The following KCTD16 variants were observed in gnomAD, a reference collection of about 807,000 sequenced individuals.
KCTD16 encodes BTB/POZ domain-containing protein KCTD16.
In KCTD16, 13 loss-of-function variants were observed where a neutral mutation model predicts 33.2. The observed-to-expected ratio is 0.39, with a 90% CI of 0.25 to 0.62. The LOEUF (loss-of-function observed/expected upper bound fraction) is 0.62. Among genes scored for constraint, KCTD16 ranks in the 20% least tolerant of loss-of-function variants. KCTD16 has a pLI of 0.50. For missense variants in KCTD16, 441 were observed against 525.1 expected, an observed-to-expected ratio of 0.84 and a Z score of 1.57; for synonymous variants, 197 against 195.3, an observed-to-expected ratio of 1.01 and a Z score of -0.07.
chr5:144,257,520 G>C (rs1043046800), intron 3 of KCTD16, among the ~76,000 whole-genome samples: 1 of 151,460 alleles, frequency 6.6e-6, no homozygotes. Context: ...ACAGAGTCTC[G>C]CTCTGTCGCC....
intron 3 of KCTD16, among the ~76,000 whole-genome samples, chr5:144,387,357 G>A (rs1284715699): frequency 6.6e-6 from 1 of 152,036 alleles, no homozygotes; most frequent in Non-Finnish European, 1.5e-5. Context: ...CCATTTTATA[G>A]ATGAAGGAGC....
chr5:144,304,270 A>C (rs557846708), intron 3 of KCTD16, among the ~76,000 whole-genome samples: 3 of 152,336 alleles, frequency 2.0e-5, no homozygotes, highest in Admixed American at 2.0e-4. Context: ...GGGAAAGGAA[A>C]GGACAGTGTG....
At chr5:144,335,839 G>A (rs953831845) in intron 3 of KCTD16, among the ~76,000 whole-genome samples, 2 of 152,186 alleles carry the variant, frequency 1.3e-5, no homozygotes, top group Non-Finnish European at 2.9e-5. Context: ...ATCAGGAGGT[G>A]ATTAGGGGCC....
intron 3 of KCTD16, among the ~76,000 whole-genome samples, chr5:144,455,706 T>G (rs996775341): frequency 1.3e-5 from 2 of 152,184 alleles, no homozygotes; most frequent in African/African-American, 4.8e-5. Context: ...GAGGAATGTT[T>G]CCAGGCAAGA....
In KCTD16 at chr5:144,477,989, G is replaced by A. The variant is rs1754630651; in HGVS notation, c.*3875G>A. The A allele has an allele frequency of 6.6e-6, 1 of 152,002 alleles. No homozygotes were observed. 9.4% of individuals were successfully genotyped at this position (152,002 alleles called of 1,614,324 possible). ...CGAAGGGAGTTTATTTTTCCTTATG[G>A]TGACTCTGTGGCAGATAAATGTTTT... On this transcript the variant is annotated 3_prime_UTR_variant, in exon 4 of 4. Transcript: ENST00000512467.
At chr5:144,196,178 G>A (rs550055642) in intron 2 of KCTD16, among the ~76,000 whole-genome samples, 3 of 152,280 alleles carry the variant, frequency 2.0e-5, no homozygotes, top group African/African-American at 7.2e-5. Flanking sequence ...AATCTTAGCT[G>A]TCATTACTAT....
rs1278651686 is a variant in KCTD16, at chr5:144,482,034, C to T, written c.*7920C>T. On this transcript the variant is annotated 3_prime_UTR_variant, in exon 4 of 4. Coordinates refer to ENST00000512467, the MANE Select transcript of KCTD16 (RefSeq NM_020768.4). ...AGAAAGATAAAGTAGCACATAAAGGCTCATAGCTAAAAAGTGGCAGAGCCA... is the reference window on the plus strand; with the variant it reads ...AGAAAGATAAAGTAGCACATAAAGGTTCATAGCTAAAAAGTGGCAGAGCCA... The T allele has an allele frequency of 1.3e-5, 2 of 151,878 alleles. No homozygotes were observed. Among genetic ancestry groups the T allele is most frequent in the African/African-American group, 4.8e-5 (2 of 41,364 alleles). The allele number at this position is 151,878 out of a possible 1,614,324, so 9.4% of individuals were successfully genotyped here.
At chr5:144,178,288 A>T (rs1752546573) in intron 2 of KCTD16, among the ~76,000 whole-genome samples, 1 of 152,206 alleles carries the variant, frequency 6.6e-6, no homozygotes, top group South Asian at 2.1e-4. Context: ...GTAGAACTAT[A>T]AAAGTAGGCA....
At chr5:144,176,383 GTTTCTTTTTTTTTTTT>G (rs1305924985) in intron 2 of KCTD16, among the ~76,000 whole-genome samples, 2 of 129,700 alleles carry the variant, frequency 1.5e-5, no homozygotes, top group African/African-American at 5.6e-5. Context: ...AAGATATAGT[GTTTCTTTTTTTTTTTT>G]TTTTTTTTTT....
At chr5:144,278,757 T>A (rs536886436) in intron 3 of KCTD16, among the ~76,000 whole-genome samples, 73 of 152,040 alleles carry the variant, frequency 4.8e-4, no homozygotes, top group Admixed American at 3.4e-3. Context: ...TCGGCCTCCC[T>A]AAGTGCTGGG....
intron 3 of KCTD16, among the ~76,000 whole-genome samples, chr5:144,221,652 T>C (rs1179815275): frequency 6.6e-6 from 1 of 152,212 alleles, no homozygotes; most frequent in Non-Finnish European, 1.5e-5. Flanking sequence ...CACATTTCTT[T>C]ATCCAGTCTA....
intron 3 of KCTD16, among the ~76,000 whole-genome samples, chr5:144,243,389 C>G (rs1463343482): frequency 1.3e-5 from 2 of 152,198 alleles, no homozygotes; most frequent in Non-Finnish European, 2.9e-5. Flanking sequence ...GGGAGAATAT[C>G]AGCATAAATT....
chr5:144,256,069 A>G (rs1464665565), intron 3 of KCTD16, among the ~76,000 whole-genome samples: 3 of 152,206 alleles, frequency 2.0e-5, no homozygotes, highest in Non-Finnish European at 4.4e-5. Flanking sequence ...GATGCTTTCA[A>G]GTCTTCATTG....
intron 3 of KCTD16, among the ~76,000 whole-genome samples, chr5:144,472,445 A>C (rs915292075): frequency 6.6e-6 from 1 of 152,216 alleles, no homozygotes; most frequent in East Asian, 1.9e-4. Context: ...TCTGCCTTCA[A>C]ATTGCTAAAT....
chr5:144,228,027 A>G (rs890515329), intron 3 of KCTD16, among the ~76,000 whole-genome samples: 2 of 152,200 alleles, frequency 1.3e-5, no homozygotes, highest in African/African-American at 4.8e-5. Context: ...TGTGAATAAT[A>G]GGAGTTAGAC....
chr5:144,375,149 A>G (rs1752062040), intron 3 of KCTD16, among the ~76,000 whole-genome samples: 1 of 152,188 alleles, frequency 6.6e-6, no homozygotes, highest in Non-Finnish European at 1.5e-5. Flanking sequence ...ATTGCTTTCC[A>G]GGACATGGTC....
intron 3 of KCTD16, among the ~76,000 whole-genome samples, chr5:144,360,862 A>G (rs1360058459): frequency 1.3e-5 from 2 of 151,970 alleles, no homozygotes; most frequent in Non-Finnish European, 2.9e-5. Context: ...CAATAAACAC[A>G]TGTGTACCTC....
At chr5:144,284,119 CA>C (rs1264520767) in intron 3 of KCTD16, among the ~76,000 whole-genome samples, 1 of 152,158 alleles carries the variant, frequency 6.6e-6, no homozygotes, top group African/African-American at 2.4e-5. Context: ...ACAACTTTAG[CA>C]AATAGAATAT....
At position 144,479,540 on chromosome 5, in the gene KCTD16, T is replaced by C. The variant is rs1754664276; in HGVS notation, c.*5426T>C. 1 of 151,708 alleles carries C rather than the reference T, an allele frequency of 6.6e-6. No individual in the cohort carries two copies. Among genetic ancestry groups the C allele is most frequent in the South Asian group, 2.1e-4 (1 of 4,816 alleles). 9.4% of individuals were successfully genotyped at this position (151,708 alleles called of 1,614,324 possible). On this transcript the variant is annotated 3_prime_UTR_variant, in exon 4 of 4. Coordinates refer to ENST00000512467, the MANE Select transcript of KCTD16 (RefSeq NM_020768.4). ...GCTTGTCATGATCATGAGTGAATAT[T>C]TGAGTAAATATTGCCAAAGGAAAGT...
Sources: gnomAD v4.1 joint callset for allele counts (sites outside exome capture counted in the v4.1 genomes callset) on GRCh38, gnomAD v4.1.1 for gene constraint, MANE v1.5 for transcripts, NCBI Gene and HGNC (gene_info 2026-07-23, HGNC 2026-07-21) for gene names.